Variants in SIK3 observed in about 807,000 individuals in gnomAD.
SIK3 encodes the protein SIK family kinase 3.
A neutral mutation model predicts 144.2 loss-of-function variants in SIK3; 28 were observed. The observed-to-expected ratio is 0.19, with a 90% CI of 0.14 to 0.27. The LOEUF is 0.27. Ranked by LOEUF, SIK3 falls within the 10% of genes least tolerant of loss-of-function variation. SIK3 has a pLI of 1.00. For missense variants in SIK3, 1,319 were observed against 1,776.0 expected (o/e 0.74, Z 4.62); for synonymous variants, 686 against 676.3 (o/e 1.01, Z -0.22).
At chr11:117,050,672 A>G (rs1459816829) in intron 1 of SIK3, among the ~76,000 whole-genome samples, 1 of 152,146 alleles carries the variant, frequency 6.6e-6, no homozygotes, top group Admixed American at 6.5e-5. Flanking sequence ...GGGCAACAAG[A>G]GTGAGACTTC....
intron 1 of SIK3, among the ~76,000 whole-genome samples, chr11:117,064,529 A>G (rs918001953): frequency 3.9e-5 from 6 of 152,126 alleles, no homozygotes; most frequent in African/African-American, 1.4e-4. Flanking sequence ...TTTCTTTTCT[A>G]CTGATAAGCA....
intron 6 of SIK3, among the ~76,000 whole-genome samples, chr11:116,892,721 T>A (rs1945194811): frequency 6.6e-6 from 1 of 152,190 alleles, no homozygotes; most frequent in South Asian, 2.1e-4. Flanking sequence ...TCCTTAGTGT[T>A]TAACCAAATG....
intron 3 of SIK3, among the ~76,000 whole-genome samples, chr11:116,946,447 G>T (rs1227363783): frequency 3.9e-5 from 6 of 152,128 alleles, no homozygotes; most frequent in Non-Finnish European, 8.8e-5. Flanking sequence ...CACTGCAAAG[G>T]GGACCAGATG....
chr11:117,094,648 C>T (rs1209762848), intron 1 of SIK3, among the ~76,000 whole-genome samples: 1 of 152,070 alleles, frequency 6.6e-6, no homozygotes, highest in Admixed American at 6.6e-5. Flanking sequence ...CAAAATCTAT[C>T]TACTCTTTGT....
At chr11:117,040,399 A>G (rs977497472) in intron 1 of SIK3, among the ~76,000 whole-genome samples, 2 of 152,236 alleles carry the variant, frequency 1.3e-5, no homozygotes, top group Non-Finnish European at 2.9e-5. Context: ...TAATAATGTT[A>G]CTAGGCAATA....
intron 1 of SIK3, among the ~76,000 whole-genome samples, chr11:117,046,188 G>T (rs1952956090): frequency 6.6e-6 from 1 of 152,154 alleles, no homozygotes; most frequent in Non-Finnish European, 1.5e-5. Context: ...CCACTCAAGG[G>T]TCATTTTAAC....
chr11:117,038,298 T>G (rs1169627958), intron 1 of SIK3, among the ~76,000 whole-genome samples: 3 of 151,904 alleles, frequency 2.0e-5, no homozygotes, highest in African/African-American at 7.3e-5. Flanking sequence ...CCAACTTTAA[T>G]AATTTCTAGC....
Position 116,874,053 on chromosome 11 carries a change from C to T in SIK3, c.1431G>A (p.Thr477=), listed in dbSNP as rs1944114031. 6.2e-7 allele frequency: 1 copy of T among 1,613,212 alleles called. No individual in the cohort carries two copies. The highest frequency in any genetic ancestry group is 1.1e-5 in the South Asian group (1 of 90,936). The part of the protein sequence containing the change: ...RHTVGVADPR[T]EVMEDLQKLL... ...GCTTCTGCAGATCTTCCATAACTTC[C>T]GTGCTGATACAAAACAGAATGACAG... Residue 477 remains threonine, a synonymous_variant, in exon 12 of 25, where the codon ACG becomes ACA. Coordinates refer to ENST00000445177, the MANE Select transcript of SIK3 (RefSeq NM_001366686.3).
chr11:117,028,699 T>C (rs1444201311), intron 1 of SIK3, among the ~76,000 whole-genome samples: 1 of 151,950 alleles, frequency 6.6e-6, no homozygotes, highest in Admixed American at 6.5e-5. Flanking sequence ...TTGAGGAAAC[T>C]AGCTCAGCAT....
chr11:116,860,364 A>G (rs550882042), intron 19 of SIK3, among the ~76,000 whole-genome samples: 1 of 151,970 alleles, frequency 6.6e-6, no homozygotes, highest in East Asian at 1.9e-4. Context: ...GCCAATTCAG[A>G]CTCTTCTCAA....
At chr11:116,852,407 T>C (rs1242857851) in intron 21 of SIK3, among the ~76,000 whole-genome samples, 1 of 152,150 alleles carries the variant, frequency 6.6e-6, no homozygotes, top group Non-Finnish European at 1.5e-5. Context: ...AGCCCAGAGC[T>C]CATCCCTCAG....
chr11:117,024,440 A>C (rs936071844), intron 1 of SIK3, among the ~76,000 whole-genome samples: 4 of 152,172 alleles, frequency 2.6e-5, no homozygotes, highest in African/African-American at 9.7e-5. Context: ...ACCTTAGCAA[A>C]GAAGAATAAA....
At chr11:116,876,844 A>G (rs1944284684) in intron 7 of SIK3, 80 bp downstream of exon 7, 1 of 1,146,622 alleles carries the variant, frequency 8.7e-7, no homozygotes. Context: ...CTTTCAGGTT[A>G]TGGCCTGATT....
rs2134123823 is a variant in SIK3 at position 117,098,376 on chromosome 11, C to G, written c.40G>C (p.Gly14Arg). The G allele has an allele frequency of 1.7e-6, 2 of 1,171,280 alleles. No homozygotes were observed. The highest frequency in any genetic ancestry group is 2.1e-6 in the Non-Finnish European group (2 of 950,908). 72.6% of individuals were successfully genotyped at this position (1,171,280 alleles called of 1,614,324 possible). A position where few individuals can be genotyped will look rare whatever the true frequency, so the allele number is the denominator to read the frequency against. ...AAASGAGGAA[G>R]AGTGGAGPAG... ...GGCCCGGCTCCCCCAGTCCCGGCCC[C>G]GGCAGCCCCGCCAGCTCCGCTCGCC... Residue 14 changes from glycine to arginine, a missense_variant, in exon 1 of 25, where the codon GGG becomes CGG. Gly to Arg is a moderately radical substitution (Grantham distance 125, BLOSUM62 -2). Coordinates refer to ENST00000445177, the MANE Select transcript of SIK3 (RefSeq NM_001366686.3).
chr11:117,091,205 T>TC (rs1178474255), intron 1 of SIK3, among the ~76,000 whole-genome samples: 11 of 142,368 alleles, frequency 7.7e-5, no homozygotes, highest in Admixed American at 3.5e-4. Context: ...TTTTTCTTTT[T>TC]TTTTTTTTTT....
chr11:117,018,695 T>A (rs7128772), intron 1 of SIK3, among the ~76,000 whole-genome samples: 56,589 of 151,742 alleles, frequency 0.37, 12,893 homozygotes, highest in African/African-American at 0.65. Flanking sequence ...AATTATTGTA[T>A]CATTGTTTTT....
intron 1 of SIK3, among the ~76,000 whole-genome samples, chr11:116,986,226 A>C (rs1442794511): frequency 6.6e-6 from 1 of 152,222 alleles, no homozygotes; most frequent in Non-Finnish European, 1.5e-5. Flanking sequence ...AAAGGAAAGA[A>C]CACCTGGGCT....
At chr11:116,984,948 T>G (rs149108264) in intron 1 of SIK3, among the ~76,000 whole-genome samples, 95 of 152,354 alleles carry the variant, frequency 6.2e-4, no homozygotes, top group African/African-American at 1.9e-3. Context: ...AAAGGTTCTT[T>G]CAGTCACTGG....
intron 4 of SIK3, among the ~76,000 whole-genome samples, chr11:116,911,868 T>C (rs1042400928): frequency 1.3e-5 from 2 of 152,090 alleles, no homozygotes; most frequent in African/African-American, 4.8e-5. Flanking sequence ...TTACTGGCAA[T>C]GGGAAAGATG....
Sources: allele counts gnomAD v4.1 joint callset (sites outside exome capture counted in the v4.1 genomes callset), GRCh38; gene constraint gnomAD v4.1.1; transcripts MANE v1.5; gene names NCBI Gene and HGNC (gene_info 2026-07-23, HGNC 2026-07-21).